MSI2: variants seen among roughly 807,000 people sequenced by gnomAD.
MSI2 encodes the protein musashi RNA binding protein 2.
Under a neutral mutation model 45.6 loss-of-function variants are expected in MSI2, and 17 were observed. The ratio of observed to expected loss-of-function variants is 0.37; its 90% CI spans 0.26 to 0.56. MSI2 has a LOEUF of 0.56. Ranked by LOEUF, MSI2 falls within the 20% of genes least tolerant of loss-of-function variation. The pLI is 0.77. For missense variants in MSI2, 293 were observed against 444.2 expected, an observed-to-expected ratio of 0.66 and a Z score of 3.06; for synonymous variants, 156 against 158.2, an observed-to-expected ratio of 0.99 and a Z score of 0.11.
chr17:57,647,906 T>A (rs1378214100), intron 10 of MSI2, among the ~76,000 whole-genome samples: 1 of 108,108 alleles, frequency 9.3e-6, no homozygotes, highest in African/African-American at 2.8e-5. Flanking sequence ...CCTCCCAAAG[T>A]GCTAGGATTA....
rs370175518 is a variant in MSI2 at position 57,309,960 on chromosome 17, G to A, written c.312+47768G>A. 5.1e-4 allele frequency among the ~76,000 whole-genome samples: 77 copies of A among 152,314 alleles called. 1 individual carries two copies. The East Asian group carries it at 7.7e-3, about 15-fold the overall frequency. The stretch of plus-strand genomic sequence containing the variant: ...GGCCTCAGCTTCTCTCCTGGCAGAC[G>A]GTGATGATGGGGGTGCAGGGGCTGG... On this transcript the variant is annotated intron_variant, in intron 5 of 13. Transcript: ENST00000284073.
At chr17:57,405,931 A>G (rs1284544020) in intron 6 of MSI2, among the ~76,000 whole-genome samples, 1 of 152,186 alleles carries the variant, frequency 6.6e-6, no homozygotes, top group African/African-American at 2.4e-5. Flanking sequence ...AAGGTGAGGA[A>G]GTTCTCCAAG....
At chr17:57,657,032 A>G (rs1428090210) in intron 11 of MSI2, among the ~76,000 whole-genome samples, 2 of 152,180 alleles carry the variant, frequency 1.3e-5, no homozygotes, top group Admixed American at 6.5e-5. Flanking sequence ...AAGAACATTG[A>G]TGGAACACAG....
intron 11 of MSI2, among the ~76,000 whole-genome samples, chr17:57,674,243 G>T (rs1250389010): frequency 2.7e-5 from 4 of 150,132 alleles, no homozygotes; most frequent in Non-Finnish European, 5.9e-5. Flanking sequence ...TGAATGGGAA[G>T]GGCGGGAAGG....
chr17:57,559,459 T>G (rs986042199), intron 7 of MSI2, among the ~76,000 whole-genome samples: 1 of 152,204 alleles, frequency 6.6e-6, no homozygotes, highest in African/African-American at 2.4e-5. Context: ...TGGGGTTGGC[T>G]GGACGGTGTG....
At chr17:57,614,930 C>T (rs1907534470) in intron 8 of MSI2, among the ~76,000 whole-genome samples, 1 of 152,116 alleles carries the variant, frequency 6.6e-6, no homozygotes, top group Admixed American at 6.6e-5. Context: ...TTAGCAACCA[C>T]TTGAAAATGT....
chr17:57,285,959 G>GGATGGA (rs1159335109), intron 5 of MSI2: 27 of 1,534,576 alleles, frequency 1.8e-5, no homozygotes, highest in Non-Finnish European at 2.0e-5. Context: ...TATTCAACAT[G>GGATGGA]GATGGAGTGG....
rs537666316 is a variant in MSI2 at position 57,309,921 on chromosome 17, G to T, written c.312+47729G>T. Reference sequence around the variant, plus strand: ...CTGCCACGAGAAGCTGGCAGTGTTGGTCTCTGTCCGCTGGGCCTCAGCTTC... The same window carrying T: ...CTGCCACGAGAAGCTGGCAGTGTTGTTCTCTGTCCGCTGGGCCTCAGCTTC... On this transcript the variant is annotated intron_variant, in intron 5 of 13. Transcript: ENST00000284073. Among the ~76,000 whole-genome samples, 8 of 152,292 alleles carry T rather than the reference G, an allele frequency of 5.3e-5. No individual in the cohort carries two copies. The East Asian group carries it at 1.5e-3, about 29-fold the overall frequency.
intron 7 of MSI2, among the ~76,000 whole-genome samples, chr17:57,582,814 A>T (rs1474158534): frequency 6.6e-6 from 1 of 152,068 alleles, no homozygotes; most frequent in Admixed American, 6.6e-5. Flanking sequence ...TGAAATGTTC[A>T]TGTTTTTTTT....
upstream of MSI2, among the ~76,000 whole-genome samples, chr17:57,256,298 G>A (rs919027316): frequency 1.3e-5 from 2 of 151,732 alleles, no homozygotes; most frequent in African/African-American, 4.8e-5. Context: ...CGCCCGCGGG[G>A]TTCGCGCGCC....
chr17:57,365,249 G>T (rs1917110078), intron 5 of MSI2, among the ~76,000 whole-genome samples: 1 of 152,226 alleles, frequency 6.6e-6, no homozygotes, highest in African/African-American at 2.4e-5. Context: ...TATATACCTT[G>T]CTTTGGGACT....
intron 7 of MSI2, among the ~76,000 whole-genome samples, chr17:57,543,280 G>C (rs80164549): frequency 0.027 from 4,175 of 152,310 alleles, 77 homozygotes; most frequent in African/African-American, 0.051. Flanking sequence ...CTTAAGAGGG[G>C]GGGAAAATGC....
chr17:57,416,472 G>A (rs138045470), intron 6 of MSI2, among the ~76,000 whole-genome samples: 430 of 152,290 alleles, frequency 2.8e-3, no homozygotes, highest in African/African-American at 9.7e-3. Flanking sequence ...GGAAGCAGCC[G>A]CTGTAATTCA....
intron 6 of MSI2, among the ~76,000 whole-genome samples, chr17:57,474,173 T>C (rs927672367): frequency 1.3e-5 from 2 of 152,126 alleles, no homozygotes; most frequent in African/African-American, 4.8e-5. Context: ...GGGCCACCGG[T>C]ACTGTTTCCT....
At chr17:57,521,900 C>T (rs752945364) in intron 6 of MSI2, among the ~76,000 whole-genome samples, 3 of 152,200 alleles carry the variant, frequency 2.0e-5, no homozygotes, top group Admixed American at 6.5e-5. Flanking sequence ...CCTTCTTCTC[C>T]GTCCTTCCTC....
chr17:57,594,293 G>C (rs1221400757), intron 7 of MSI2, among the ~76,000 whole-genome samples: 3 of 152,114 alleles, frequency 2.0e-5, no homozygotes, highest in African/African-American at 7.2e-5. Context: ...ACTGGGGCCA[G>C]TTAGGATCTG....
At chr17:57,283,668 C>T (rs951931959) in intron 5 of MSI2, among the ~76,000 whole-genome samples, 6 of 152,150 alleles carry the variant, frequency 3.9e-5, no homozygotes, top group African/African-American at 1.4e-4. Flanking sequence ...TCGATTTAGG[C>T]CCTAGGAAAG....
At chr17:57,328,036 G>C (rs1232391590) in intron 5 of MSI2, among the ~76,000 whole-genome samples, 1 of 152,056 alleles carries the variant, frequency 6.6e-6, no homozygotes. Context: ...AGTGGGTAGG[G>C]GACACAGATT....
intron 5 of MSI2, among the ~76,000 whole-genome samples, chr17:57,350,303 T>G (rs1471109897): frequency 6.6e-6 from 1 of 151,856 alleles, no homozygotes; most frequent in Non-Finnish European, 1.5e-5. Flanking sequence ...CTGATAGCTT[T>G]TATTTTTTTG....
Sources: gnomAD v4.1 joint callset for allele counts (sites outside exome capture counted in the v4.1 genomes callset) on GRCh38, gnomAD v4.1.1 for gene constraint, MANE v1.5 for transcripts, NCBI Gene and HGNC (gene_info 2026-07-23, HGNC 2026-07-21) for gene names.